CILK1: variants seen among roughly 807,000 people sequenced by gnomAD.
The protein encoded by CILK1 is serine/threonine-protein kinase ICK.
CILK1 carries 47 observed loss-of-function variants against 79.2 expected under a neutral mutation model. The observed-to-expected ratio is 0.59, with a 90% confidence interval of 0.47 to 0.76. CILK1 has a LOEUF of 0.76. Among genes scored for constraint, CILK1 ranks in the 30% least tolerant of loss-of-function variants. CILK1 has a pLI of 0.00. For missense variants in CILK1, 660 were observed against 769.5 expected (o/e 0.86, Z 1.68); for synonymous variants, 266 against 275.9 (o/e 0.96, Z 0.36).
chr6:53,060,463 G>A (rs1487790976), intron 1 of CILK1, among the ~76,000 whole-genome samples: 4 of 152,206 alleles, frequency 2.6e-5, no homozygotes, highest in African/African-American at 9.7e-5. Context: ...AGCAGAAAGG[G>A]AGAAATAAAA....
At chr6:53,038,077 A>T (rs183338211) in intron 2 of CILK1, 84 bp from the exon 3 acceptor site, 2 of 882,494 alleles carry the variant, frequency 2.3e-6, no homozygotes, top group Admixed American at 3.6e-5. Flanking sequence ...TTCCATTCTG[A>T]TCCTAATTAA....
intron 9 of CILK1, 23 bp from the exon 10 acceptor site, chr6:53,012,250 G>A (rs879177425): frequency 3.1e-6 from 5 of 1,611,174 alleles, no homozygotes; most frequent in Admixed American, 3.3e-5. Flanking sequence ...ACGGGGTGGG[G>A]GAAAGCAATA....
intron 1 of CILK1, among the ~76,000 whole-genome samples, chr6:53,055,354 T>C (rs147000956): frequency 2.0e-5 from 3 of 152,210 alleles, no homozygotes; most frequent in African/African-American, 7.2e-5. Context: ...CGGGTTTATG[T>C]TTTTCTCCTG....
At chr6:53,006,501 A>G in intron 12 of CILK1, 64 bp from the exon 13 acceptor site, 2 of 1,580,542 alleles carry the variant, frequency 1.3e-6, no homozygotes, top group Non-Finnish European at 1.7e-6. Context: ...CAACAAGGTT[A>G]AATGACAGCA....
chr6:53,017,020 C>A (rs17672049), intron 7 of CILK1, among the ~76,000 whole-genome samples: 9,948 of 152,200 alleles, frequency 0.065, 373 homozygotes, highest in Middle Eastern at 0.099. Context: ...ATAAATCCTG[C>A]GCTTAAGAGT....
intron 8 of CILK1, 167 bp downstream of exon 8, chr6:53,015,916 A>G: frequency 1.5e-6 from 1 of 683,610 alleles, no homozygotes; most frequent in Non-Finnish European, 2.5e-6. Context: ...CTTTATACCC[A>G]GTAAGTTTCA....
chr6:53,016,531 T>C (rs1032649017), intron 7 of CILK1, among the ~76,000 whole-genome samples: 1 of 152,172 alleles, frequency 6.6e-6, no homozygotes, highest in Non-Finnish European at 1.5e-5. Flanking sequence ...ATTTTGGGAT[T>C]GAAACAAATT....
intron 2 of CILK1, among the ~76,000 whole-genome samples, chr6:53,039,797 G>A (rs1253140185): frequency 6.6e-6 from 1 of 152,184 alleles, no homozygotes; most frequent in Non-Finnish European, 1.5e-5. Context: ...TATGAATAGG[G>A]GGAAAAAAGC....
Position 53,041,059 on chromosome 6 carries a change from C to A in CILK1, c.101+77G>T. 3 of 969,766 alleles carry A rather than the reference C, an allele frequency of 3.1e-6. No homozygotes were observed. The South Asian group carries it at 3.9e-5, about 13-fold the overall frequency. The allele number at this position is 969,766 out of a possible 1,614,324, so 60.1% of individuals were successfully genotyped here. A position where few individuals can be genotyped will look rare whatever the true frequency, so the allele number is the denominator to read the frequency against. The stretch of plus-strand genomic sequence containing the variant: ...CTTCTCTAGGCATCCTACCCACTCC[C>A]CTTTAGAACTGTTACAAAGACGGGT... On this transcript the variant is annotated intron_variant, in intron 2 of 13. Coordinates refer to ENST00000676107, the MANE Select transcript of CILK1 (RefSeq NM_014920.5).
intron 11 of CILK1, among the ~76,000 whole-genome samples, chr6:53,009,868 A>G (rs1764461452): frequency 6.6e-6 from 1 of 152,010 alleles, no homozygotes; most frequent in African/African-American, 2.4e-5. Flanking sequence ...CCCTTCACAG[A>G]CTACTTCCTT....
At chr6:53,047,696 A>C (rs995929232) in intron 1 of CILK1, among the ~76,000 whole-genome samples, 2 of 151,952 alleles carry the variant, frequency 1.3e-5, no homozygotes, top group Non-Finnish European at 2.9e-5. Flanking sequence ...CCCTCTGGAG[A>C]CTACATAGAT....
At chr6:53,043,481 C>T (rs1190703296) in intron 1 of CILK1, among the ~76,000 whole-genome samples, 1 of 152,096 alleles carries the variant, frequency 6.6e-6, no homozygotes, top group Non-Finnish European at 1.5e-5. Context: ...GATCAAGCCC[C>T]ACTCTACCCA....
chr6:53,001,362 T>G lies in CILK1; in HGVS notation c.*3787A>C, dbSNP rs993274979. Reference sequence around the variant, plus strand: ...AATTTTTCCTTACATAAGGTTGACATGTTTTAAACACCTTAGGACAAACTA... The same window carrying G: ...AATTTTTCCTTACATAAGGTTGACAGGTTTTAAACACCTTAGGACAAACTA... On this transcript the variant is annotated 3_prime_UTR_variant, in exon 14 of 14. Coordinates refer to ENST00000676107, the MANE Select transcript of CILK1 (RefSeq NM_014920.5). 1 of 152,264 alleles carries G rather than the reference T, an allele frequency of 6.6e-6. No individual in the cohort carries two copies. Among genetic ancestry groups the G allele is most frequent in the African/African-American group, 2.4e-5 (1 of 41,474 alleles). The allele number at this position is 152,264 out of a possible 1,614,324, so 9.4% of individuals were successfully genotyped here.
At chr6:53,012,462 TA>T (rs1267189484) in intron 9 of CILK1, among the ~76,000 whole-genome samples, 3 of 152,114 alleles carry the variant, frequency 2.0e-5, no homozygotes, top group Non-Finnish European at 4.4e-5. Flanking sequence ...AAAATAAGGA[TA>T]AAAAAATTTT....
At chr6:53,054,800 A>G (rs1461909589) in intron 1 of CILK1, 13 of 152,186 alleles carry the variant, frequency 8.5e-5, no homozygotes, top group Admixed American at 6.5e-4. Flanking sequence ...CATTGGGGAA[A>G]AGCTTCCTGT....
At chr6:53,036,466 A>T (rs902077968) in intron 3 of CILK1, among the ~76,000 whole-genome samples, 1 of 152,190 alleles carries the variant, frequency 6.6e-6, no homozygotes, top group Admixed American at 6.5e-5. Flanking sequence ...CCCAGGCTGC[A>T]GTACAGTGGC....
chr6:53,036,372 C>T (rs1235798471), intron 3 of CILK1, among the ~76,000 whole-genome samples: 1 of 152,054 alleles, frequency 6.6e-6, no homozygotes, highest in Non-Finnish European at 1.5e-5. Flanking sequence ...TGGGTGAAAT[C>T]CAGCCCACCA....
At chr6:53,017,670 C>T (rs1353136163) in intron 7 of CILK1, among the ~76,000 whole-genome samples, 1 of 152,162 alleles carries the variant, frequency 6.6e-6, no homozygotes, top group Non-Finnish European at 1.5e-5. Context: ...GGGAAGATGA[C>T]ATTAGACACA....
At chr6:53,016,354 C>G in intron 7 of CILK1, 104 bp from the exon 8 acceptor site, 1 of 1,093,344 alleles carries the variant, frequency 9.1e-7, no homozygotes. Context: ...ATGTCATTAC[C>G]CACCCACATT....
Sources: allele counts gnomAD v4.1 joint callset (sites outside exome capture counted in the v4.1 genomes callset), GRCh38; gene constraint gnomAD v4.1.1; transcripts MANE v1.5; gene names NCBI Gene and HGNC (gene_info 2026-07-23, HGNC 2026-07-21).